Variants in STK3 observed in about 807,000 individuals in gnomAD.
STK3 encodes serine/threonine-protein kinase 3.
In STK3, 41 loss-of-function variants were observed where a neutral mutation model predicts 58.0. That is an observed-to-expected ratio of 0.71 (90% CI 0.55 to 0.92). The LOEUF (loss-of-function observed/expected upper bound fraction) is 0.92. STK3 is among the 40% of genes least tolerant of loss of function. The probability of loss-of-function intolerance (pLI) is 0.00; values close to 1 mark genes in which losing one functional copy is unlikely to be tolerated. For missense variants in STK3, 479 were observed against 602.7 expected, an observed-to-expected ratio of 0.79 and a Z score of 2.15; for synonymous variants, 170 against 191.0, an observed-to-expected ratio of 0.89 and a Z score of 0.91.
chr8:98,589,566 GC>G (rs1815058179), intron 7 of STK3, among the ~76,000 whole-genome samples: 1 of 152,222 alleles, frequency 6.6e-6, no homozygotes, highest in Non-Finnish European at 1.5e-5. Context: ...TCTGTGCCCT[GC>G]CCCCAGAGGT....
intron 1 of STK3, among the ~76,000 whole-genome samples, chr8:98,932,185 GA>G (rs751029012): frequency 1.4e-4 from 21 of 150,296 alleles, no homozygotes; most frequent in East Asian, 3.9e-4. Context: ...AATGAAAGGG[GA>G]AAAAAAAATA....
At chr8:98,829,183 G>C (rs1329132601), upstream of STK3, among the ~76,000 whole-genome samples, 1 of 152,174 alleles carries the variant, frequency 6.6e-6, no homozygotes, top group Non-Finnish European at 1.5e-5. Context: ...CTGTGTTCCA[G>C]AGAATCATGG....
chr8:98,351,644 G>A, the STK3 span, among the ~76,000 whole-genome samples: 1 of 152,058 alleles, frequency 6.6e-6, no homozygotes, highest in Non-Finnish European at 1.5e-5. Context: ...CTATATACAT[G>A]TATTCCCTCT....
intron 6 of STK3, among the ~76,000 whole-genome samples, chr8:98,637,683 C>G (rs1819717880): frequency 6.6e-6 from 1 of 152,150 alleles, no homozygotes; most frequent in South Asian, 2.1e-4. Context: ...AAAATGGAAT[C>G]TGCACAATGT....
At chr8:98,598,646 T>C (rs971130247) in intron 6 of STK3, 1 of 985,266 alleles carries the variant, frequency 1.0e-6, no homozygotes, top group African/African-American at 1.7e-5. Context: ...TATAGAAAGT[T>C]TTGGCAATCA....
chr8:98,816,747 T>G (rs1587693970), intron 1 of STK3, among the ~76,000 whole-genome samples: 3 of 152,102 alleles, frequency 2.0e-5, no homozygotes, highest in Admixed American at 6.5e-5. Context: ...TTGGTCAGGC[T>G]GGTCTTGATC....
At chr8:98,594,386 G>A (rs1815620410) in intron 7 of STK3, among the ~76,000 whole-genome samples, 1 of 151,988 alleles carries the variant, frequency 6.6e-6, no homozygotes, top group Non-Finnish European at 1.5e-5. Context: ...GATCACTTGA[G>A]GTCAGGAGTT....
chr8:98,713,202 C>A (rs988966444), intron 4 of STK3, among the ~76,000 whole-genome samples: 1 of 152,060 alleles, frequency 6.6e-6, no homozygotes, highest in African/African-American at 2.4e-5. Context: ...AAAATTGACA[C>A]CCTAACATCA....
At chr8:98,621,264 T>C (rs1285499337) in intron 6 of STK3, among the ~76,000 whole-genome samples, 1 of 152,232 alleles carries the variant, frequency 6.6e-6, no homozygotes, top group Non-Finnish European at 1.5e-5. Flanking sequence ...ATATCTTGCA[T>C]CTTGAAACCT....
chr8:98,369,072 C>G (rs1463258722), downstream of STK3, among the ~76,000 whole-genome samples: 1 of 152,242 alleles, frequency 6.6e-6, no homozygotes, highest in East Asian at 1.9e-4. Flanking sequence ...CAAATATCCT[C>G]TTAATCTCCA....
chr8:98,372,284 C>T (rs909633413), intron 2 of STK3, among the ~76,000 whole-genome samples: 1 of 152,180 alleles, frequency 6.6e-6, no homozygotes, highest in South Asian at 2.1e-4. Context: ...ACTCAGTTTG[C>T]AGTACTTTGT....
At chr8:98,688,216 C>T (rs906011361) in intron 6 of STK3, among the ~76,000 whole-genome samples, 1 of 152,126 alleles carries the variant, frequency 6.6e-6, no homozygotes, top group African/African-American at 2.4e-5. Flanking sequence ...TACAAGAAGA[C>T]TTAACTATCC....
the STK3 span, among the ~76,000 whole-genome samples, chr8:98,361,075 A>C: frequency 5.9e-5 from 9 of 152,190 alleles, no homozygotes; most frequent in African/African-American, 2.2e-4. Context: ...CTGTAGACCC[A>C]AAACCCTGCA....
At chr8:98,370,205 G>A (rs1043407342), downstream of STK3, among the ~76,000 whole-genome samples, 9 of 151,322 alleles carry the variant, frequency 5.9e-5, no homozygotes, top group Middle Eastern at 3.2e-3. Flanking sequence ...GGCCTCCCAG[G>A]TCTTTAATGT....
At chr8:98,656,826 G>A (rs1384182494) in intron 6 of STK3, among the ~76,000 whole-genome samples, 1 of 151,888 alleles carries the variant, frequency 6.6e-6, no homozygotes, top group East Asian at 1.9e-4. Context: ...TTGCTGTTTG[G>A]TTATAGTTAG....
intron 3 of STK3, among the ~76,000 whole-genome samples, chr8:98,860,731 C>T (rs1836900257): frequency 6.6e-6 from 1 of 152,066 alleles, no homozygotes; most frequent in South Asian, 2.1e-4. Flanking sequence ...ACTATGGACA[C>T]TATGGACCAG....
intron 8 of STK3, among the ~76,000 whole-genome samples, chr8:98,573,745 C>G (rs1813160824): frequency 6.6e-6 from 1 of 152,160 alleles, no homozygotes; most frequent in Non-Finnish European, 1.5e-5. Context: ...CACTCCACTA[C>G]TTGGTACCAA....
intron 3 of STK3, among the ~76,000 whole-genome samples, chr8:98,860,927 G>A (rs1046807862): frequency 3.9e-5 from 6 of 152,072 alleles, no homozygotes; most frequent in Admixed American, 3.9e-4. Flanking sequence ...AGGTGTGGTG[G>A]TGCATGCTTG....
At chr8:98,653,465 G>C (rs567468798) in intron 6 of STK3, among the ~76,000 whole-genome samples, 310 of 151,886 alleles carry the variant, frequency 2.0e-3, no homozygotes, top group African/African-American at 6.7e-3. Context: ...TAGCAGAAGG[G>C]AAGAAATAAC....
Sources: gnomAD v4.1 joint callset for allele counts (sites outside exome capture counted in the v4.1 genomes callset) on GRCh38, gnomAD v4.1.1 for gene constraint, MANE v1.5 for transcripts, NCBI Gene and HGNC (gene_info 2026-07-23, HGNC 2026-07-21) for gene names.